Variants in SENP1 observed in about 807,000 individuals in gnomAD.
SENP1 encodes SUMO specific peptidase 1, also known as sentrin-specific protease 1.
A neutral mutation model predicts 93.0 loss-of-function variants in SENP1; 21 were observed. That is an observed-to-expected ratio of 0.23 (90% CI 0.16 to 0.33). SENP1 has a LOEUF of 0.33. Among genes scored for constraint, SENP1 ranks in the 10% least tolerant of loss-of-function variants. The probability of loss-of-function intolerance (pLI) is 1.00; values close to 1 mark genes in which losing one functional copy is unlikely to be tolerated. For missense variants in SENP1, 591 were observed against 758.7 expected, an observed-to-expected ratio of 0.78 and a Z score of 2.60; for synonymous variants, 256 against 259.6, an observed-to-expected ratio of 0.99 and a Z score of 0.13.
chr12:48,064,334 T>C (rs186382131), intron 12 of SENP1, among the ~76,000 whole-genome samples: 1 of 152,278 alleles, frequency 6.6e-6, no homozygotes, highest in African/African-American at 2.4e-5. Flanking sequence ...AGCTACATGG[T>C]AGTGTTTCAA....
At position 48,088,889 on chromosome 12, in the gene SENP1, A is replaced by G. The variant is rs1945056173; in HGVS notation, c.292T>C (p.Trp98Arg). Reference sequence around the variant, plus strand: ...CTTGACGATGGGGTAGAATTTCTCCATTGGCCATTTGCACTCTGGCCAAAG... The same window carrying G: ...CTTGACGATGGGGTAGAATTTCTCCGTTGGCCATTTGCACTCTGGCCAAAG... ...RTFGQSANGQWRNSTPSSSSS... is the reference protein window; with the variant it reads ...RTFGQSANGQRRNSTPSSSSS... Residue 98 changes from tryptophan (W) to arginine (R), a missense_variant, in exon 5 of 18, where the codon TGG (tryptophan) becomes CGG (arginine). Trp to Arg is a moderately radical substitution (Grantham distance 101). Coordinates refer to ENST00000549518, the MANE Select transcript of SENP1 (RefSeq NM_001267594.2). The G allele has an allele frequency of 5.0e-6, 8 of 1,602,948 alleles. No individual in the cohort carries two copies. Among genetic ancestry groups the G allele is most frequent in the Non-Finnish European group, 6.8e-6 (8 of 1,174,208 alleles).
chr12:48,071,370 C>G (rs1336409116), intron 9 of SENP1, among the ~76,000 whole-genome samples: 1 of 152,098 alleles, frequency 6.6e-6, no homozygotes, highest in Non-Finnish European at 1.5e-5. Flanking sequence ...AATCCCAGCA[C>G]TTTGGGAGGC....
At chr12:48,104,302 G>C (rs1320560109) in intron 1 of SENP1, among the ~76,000 whole-genome samples, 3 of 131,872 alleles carry the variant, frequency 2.3e-5, no homozygotes, top group Non-Finnish European at 4.8e-5. Context: ...GAGAGAGAGA[G>C]ACGCAATGTT....
intron 4 of SENP1, among the ~76,000 whole-genome samples, chr12:48,090,045 G>T (rs1396191499): frequency 2.0e-5 from 3 of 152,182 alleles, no homozygotes; most frequent in African/African-American, 4.8e-5. Flanking sequence ...AAGAAGTCAT[G>T]GCTGGTATTA....
At chr12:48,089,336 GC>G in intron 4 of SENP1, 1 of 1,335,714 alleles carries the variant, frequency 7.5e-7, no homozygotes, top group Non-Finnish European at 9.8e-7. Flanking sequence ...CAGGTGGGGG[GC>G]CAGTGAGAAT....
chr12:48,083,205 T>C (rs932661753), intron 6 of SENP1, among the ~76,000 whole-genome samples: 1 of 152,202 alleles, frequency 6.6e-6, no homozygotes, highest in Non-Finnish European at 1.5e-5. Context: ...TCACGTGGAC[T>C]GAAATAAAAT....
chr12:48,105,886 G>T, intron 1 of SENP1, 142 bp downstream of exon 1: 1 of 617,538 alleles, frequency 1.6e-6, no homozygotes, highest in Non-Finnish European at 2.9e-6. Context: ...CCAGGGGGCG[G>T]GGCAGAGGAA....
At chr12:48,102,191 G>A (rs58148022) in intron 1 of SENP1, among the ~76,000 whole-genome samples, 3,856 of 152,210 alleles carry the variant, frequency 0.025, 169 homozygotes, top group African/African-American at 0.085. Flanking sequence ...TTGGGAGGCC[G>A]AGGAGGGCAG....
Position 48,056,772 on chromosome 12 carries a change from A to G in SENP1, c.1407+6938T>C, listed in dbSNP as rs1462419372. Among the ~76,000 whole-genome samples, 91 of 62,826 alleles carry G rather than the reference A, an allele frequency of 1.4e-3. 6 individuals carry two copies. The highest frequency in any genetic ancestry group is 1.9e-3 in the Non-Finnish European group (78 of 40,318). 41.2% of individuals were successfully genotyped at this position (62,826 alleles called of 152,430 possible). A position where few individuals can be genotyped will look rare whatever the true frequency, so the allele number is the denominator to read the frequency against. ...TTACATATATAAATATATTTAACAT[A>G]TTACATATTACATATATATTATTTA... On this transcript the variant is annotated intron_variant, in intron 13 of 17. Transcript: ENST00000549518.
At chr12:48,046,933 A>G (rs1208457207) in intron 16 of SENP1, 45 bp downstream of exon 16, 1 of 1,315,176 alleles carries the variant, frequency 7.6e-7, no homozygotes, top group East Asian at 2.3e-5. Flanking sequence ...TTCCTCCCCA[A>G]ATACCCTACT....
At chr12:48,065,506 A>G (rs1431160811) in intron 11 of SENP1, 90 bp downstream of exon 11, 8 of 818,676 alleles carry the variant, frequency 9.8e-6, no homozygotes, top group Non-Finnish European at 1.6e-5. Context: ...GAATTACAAC[A>G]GCAATTACCC....
chr12:48,098,110 T>C lies in SENP1; in HGVS notation c.19A>G (p.Arg7Gly), dbSNP rs766921445. MDDIAD[R>G]MRMDAGEVTL... ...ACTTCTCCAGCATCCATCCTCATCC[T>C]ATCAGCAATATCATCTGGGGAGACA... Residue 7 changes from arginine (R) to glycine (G), a missense_variant, in exon 3 of 18, where the codon AGG (arginine) becomes GGG (glycine). By Grantham distance (125) the Arg-to-Gly change is moderately radical (BLOSUM62 -2). Transcript: ENST00000549518. The C allele has an allele frequency of 6.2e-7, 1 of 1,613,464 alleles. No individual in the cohort carries two copies. Among genetic ancestry groups the C allele is most frequent in the Admixed American group, 1.7e-5 (1 of 59,986 alleles).
At chr12:48,078,488 A>G (rs560871220) in intron 6 of SENP1, among the ~76,000 whole-genome samples, 1 of 151,526 alleles carries the variant, frequency 6.6e-6, no homozygotes, top group African/African-American at 2.4e-5. Context: ...GGTTTTCTAT[A>G]TATAAGATCA....
chr12:48,064,613 T>C (rs1467182442), intron 12 of SENP1, among the ~76,000 whole-genome samples: 2 of 152,218 alleles, frequency 1.3e-5, no homozygotes, highest in Non-Finnish European at 2.9e-5. Context: ...CCCAGATTGG[T>C]ATATAAAATA....
At chr12:48,054,144 G>A (rs1020362187) in intron 13 of SENP1, among the ~76,000 whole-genome samples, 1 of 152,070 alleles carries the variant, frequency 6.6e-6, no homozygotes, top group Non-Finnish European at 1.5e-5. Flanking sequence ...GCATAGGATC[G>A]ATCTACCTGT....
At chr12:48,091,925 C>G (rs1055817484) in intron 4 of SENP1, among the ~76,000 whole-genome samples, 3 of 152,100 alleles carry the variant, frequency 2.0e-5, no homozygotes, top group Admixed American at 1.3e-4. Context: ...AGGTGACACT[C>G]CCGCCTTGGC....
intron 14 of SENP1, among the ~76,000 whole-genome samples, chr12:48,048,392 T>C (rs1373322299): frequency 6.6e-6 from 1 of 152,194 alleles, no homozygotes; most frequent in Non-Finnish European, 1.5e-5. Flanking sequence ...GAATATAAGG[T>C]GAGTATCTCA....
intron 2 of SENP1, chr12:48,099,161 A>AAAAAC (rs1018639906): frequency 1.8e-4 from 28 of 152,086 alleles, no homozygotes; most frequent in African/African-American, 6.5e-4. Context: ...GTCTCTATTA[A>AAAAAC]AAAACAAAAC....
At chr12:48,074,930 A>C in intron 6 of SENP1, 137 bp from the exon 7 acceptor site, 1 of 630,304 alleles carries the variant, frequency 1.6e-6, no homozygotes, top group Non-Finnish European at 2.7e-6. Flanking sequence ...TTATGGGCCT[A>C]ACACAGTGGC....
Sources: allele counts gnomAD v4.1 joint callset (sites outside exome capture counted in the v4.1 genomes callset), GRCh38; gene constraint gnomAD v4.1.1; transcripts MANE v1.5; gene names NCBI Gene and HGNC (gene_info 2026-07-23, HGNC 2026-07-21).